Variants in RAD50 observed in about 807,000 individuals in gnomAD.
RAD50 encodes DNA repair protein RAD50.
RAD50 carries 132 observed loss-of-function variants against 168.8 expected under a neutral mutation model. The observed-to-expected ratio is 0.78, with a 90% CI of 0.68 to 0.90. The LOEUF (loss-of-function observed/expected upper bound fraction) is 0.90. Ranked by LOEUF, RAD50 falls within the 40% of genes least tolerant of loss-of-function variation. RAD50 has a pLI of 0.00. For synonymous variants in RAD50, 525 were observed against 497.4 expected (o/e 1.06, Z -0.74); for missense variants, 1,347 against 1,534.4 (o/e 0.88, Z 2.04).
intron 22 of RAD50, 100 bp from the exon 23 acceptor site, chr5:132,637,981 T>C: frequency 7.7e-7 from 1 of 1,302,940 alleles, no homozygotes; most frequent in Middle Eastern, 2.5e-4. Flanking sequence ...TCTGGTAATG[T>C]CAGCCTCATC....
chr5:132,608,814 T>G, intron 17 of RAD50, 89 bp downstream of exon 17: 1 of 1,481,414 alleles, frequency 6.8e-7, no homozygotes, highest in Non-Finnish European at 9.0e-7. Flanking sequence ...TCACATGAAA[T>G]TAAATAGCAT....
chr5:132,602,843 GC>G (rs1427906672), intron 13 of RAD50, among the ~76,000 whole-genome samples: 1 of 152,084 alleles, frequency 6.6e-6, no homozygotes, highest in Non-Finnish European at 1.5e-5. Flanking sequence ...TTAGGCTCCT[GC>G]AGTCTGTAAC....
Position 132,603,330 on chromosome 5 carries a change from A to C in RAD50, c.2238A>C (p.Glu746Asp), listed in dbSNP as rs876659641. 1 of 1,613,426 alleles carries C rather than the reference A, an allele frequency of 6.2e-7. No individual in the cohort carries two copies. Among genetic ancestry groups the C allele is most frequent in the Non-Finnish European group, 8.5e-7 (1 of 1,179,572 alleles). The part of the protein sequence containing the change: ...RQSIIDLKEK[E>D]IPELRNKLQN... ...GCATAATTGATTTGAAGGAGAAGGA[A>C]ATACCAGAATTAAGAAACAAACTGC... is the stretch of plus-strand genomic sequence containing the variant. The change falls in exon 14 of 25, where the codon GAA (glutamate) becomes GAC (aspartate). Residue 746 changes from glutamate (E) to aspartate (D), a missense_variant. Glu to Asp is a conservative substitution (Grantham distance 45, BLOSUM62 2). Coordinates refer to ENST00000378823, the MANE Select transcript of RAD50 (RefSeq NM_005732.4).
rs189834563 is a variant in RAD50 at position 132,600,872 on chromosome 5, A to G, written c.2208-2428A>G. On this transcript the variant is annotated intron_variant, in intron 13 of 24. Transcript: ENST00000378823. ...TATGTTAAATTACCTTTATTTAATC[A>G]TTGTGCATTGTGTACATATATCAGA... is the stretch of plus-strand genomic sequence containing the variant. Among the ~76,000 whole-genome samples the G allele has an allele frequency of 2.1e-4, 32 of 152,350 alleles. No homozygotes were observed. The East Asian group carries it at 6.2e-3, about 29-fold the overall frequency.
chr5:132,604,875 G>A lies in RAD50; in HGVS notation c.2594G>A (p.Ser865Asn), dbSNP rs1444790340. 2 of 1,613,584 alleles carry A rather than the reference G, an allele frequency of 1.2e-6. No individual in the cohort carries two copies. Among genetic ancestry groups the A allele is most frequent in the Non-Finnish European group, 8.5e-7 (1 of 1,179,750 alleles). ...CAGGAACAGATTCAACATCTAAAAAGTACAACAAATGAGCTAAAATCTGAG... is the reference window on the plus strand; with the variant it reads ...CAGGAACAGATTCAACATCTAAAAAATACAACAAATGAGCTAAAATCTGAG... ...DQQEQIQHLK[S>N]TTNELKSEKL... The change falls in exon 16 of 25, where the codon AGT (serine) becomes AAT (asparagine). Residue 865 changes from serine to asparagine, a missense_variant. Around this residue, in one of 3 missense-constraint regions of RAD50, gnomAD observed 635 missense variants for 739.2 expected, o/e 0.86. Coordinates refer to ENST00000378823, the MANE Select transcript of RAD50 (RefSeq NM_005732.4).
In RAD50 at chr5:132,591,919, A is replaced by G. The variant is rs1400827082; in HGVS notation, c.1678A>G (p.Ser560Gly). The change falls in exon 11 of 25, where the codon AGT becomes GGT. Residue 560 changes from serine (S) to glycine (G), a missense_variant. Ser to Gly is a moderately conservative substitution (Grantham distance 56). This residue lies in a region of RAD50 where 703 missense variants were observed against 767.7 expected (regional missense o/e 0.92). Coordinates refer to ENST00000378823, the MANE Select transcript of RAD50 (RefSeq NM_005732.4). ...AATCAGAAAAATAAAATCTAGGCAC[A>G]GTGATGAATTAACCTCACTGTTGGG... ...EQIRKIKSRH[S>G]DELTSLLGYF... 1 of 1,609,384 alleles carries G rather than the reference A, an allele frequency of 6.2e-7. No homozygotes were observed. The highest frequency in any genetic ancestry group is 2.2e-5 in the East Asian group (1 of 44,734).
chr5:132,614,867 G>A (rs1481715850), intron 19 of RAD50, among the ~76,000 whole-genome samples: 3 of 151,964 alleles, frequency 2.0e-5, no homozygotes, highest in Non-Finnish European at 4.4e-5. Context: ...CGCATAGAGG[G>A]GCAGGATTGG....
At chr5:132,583,016 G>T (rs969115249) in intron 5 of RAD50, among the ~76,000 whole-genome samples, 4 of 152,302 alleles carry the variant, frequency 2.6e-5, no homozygotes, top group African/African-American at 9.6e-5. Flanking sequence ...GCTACCAAGA[G>T]GCAGTGAAAA....
chr5:132,567,173 T>G (rs1750223797), intron 2 of RAD50, among the ~76,000 whole-genome samples: 1 of 151,316 alleles, frequency 6.6e-6, no homozygotes, highest in Non-Finnish European at 1.5e-5. Context: ...GCAAAGGATC[T>G]TTAATGATTT....
chr5:132,565,801 C>T (rs1750198136), intron 2 of RAD50, among the ~76,000 whole-genome samples: 2 of 152,310 alleles, frequency 1.3e-5, no homozygotes, highest in South Asian at 4.1e-4. Context: ...CGTGGACACT[C>T]TGCTTCTGAG....
At chr5:132,558,495 G>C (rs1750053796) in intron 1 of RAD50, among the ~76,000 whole-genome samples, 1 of 152,122 alleles carries the variant, frequency 6.6e-6, no homozygotes, top group African/African-American at 2.4e-5. Flanking sequence ...TGGATCACCT[G>C]AGGTCAGGAG....
chr5:132,642,593 CT>C lies in RAD50; in HGVS notation c.*230del, dbSNP rs1397008554. On this transcript the variant is annotated 3_prime_UTR_variant, in exon 25 of 25. Transcript: ENST00000378823. The stretch of plus-strand genomic sequence containing the variant: ...TGCTCTTCATCCCATTCCAGGCAGC[CT>C]CTGTCAGGCCTTCAGGGTTCAGCAG... 1 of 568,252 alleles carries C rather than the reference CT, an allele frequency of 1.8e-6. No homozygotes were observed. Among genetic ancestry groups the C allele is most frequent in the Non-Finnish European group, 3.1e-6 (1 of 322,168 alleles). 35.2% of individuals were successfully genotyped at this position (568,252 alleles called of 1,614,324 possible).
At chr5:132,570,716 A>G (rs1750287572) in intron 2 of RAD50, among the ~76,000 whole-genome samples, 1 of 152,240 alleles carries the variant, frequency 6.6e-6, no homozygotes, top group African/African-American at 2.4e-5. Context: ...AACTTTCTCC[A>G]TATCAGCAGT....
chr5:132,607,992 T>G (rs141659337), intron 16 of RAD50, among the ~76,000 whole-genome samples: 20 of 152,352 alleles, frequency 1.3e-4, no homozygotes, highest in African/African-American at 4.3e-4. Flanking sequence ...TAATGGGGAC[T>G]TCTATTTAGT....
chr5:132,640,939 C>T, intron 24 of RAD50, 134 bp downstream of exon 24: 1 of 1,419,522 alleles, frequency 7.0e-7, no homozygotes, highest in Non-Finnish European at 9.9e-7. Flanking sequence ...CTTGGGGAAG[C>T]CAGTTGGTGC....
chr5:132,563,725 G>A (rs1220171597), intron 2 of RAD50, among the ~76,000 whole-genome samples: 1 of 152,150 alleles, frequency 6.6e-6, no homozygotes, highest in Admixed American at 6.5e-5. Flanking sequence ...GCAAGGAATT[G>A]AGTACCGATA....
rs55653181 is a variant in RAD50 at position 132,589,791 on chromosome 5, G to C, written c.1406G>C (p.Gly469Ala). The change falls in exon 9 of 25, where the codon GGA becomes GCA. Residue 469 changes from glycine (G) to alanine (A), a missense_variant. By Grantham distance (60) the Gly-to-Ala change is moderately conservative (BLOSUM62 0). This residue lies in a region of RAD50 where 703 missense variants were observed against 767.7 expected (regional missense o/e 0.92). Coordinates refer to ENST00000378823, the MANE Select transcript of RAD50 (RefSeq NM_005732.4). ...AAGTATGAATTACAGCAGTTGGAAGGATCTTCAGACAGGATTCTTGAACTG... is the reference window on the plus strand; with the variant it reads ...AAGTATGAATTACAGCAGTTGGAAGCATCTTCAGACAGGATTCTTGAACTG... ...NVKYELQQLE[G>A]SSDRILELDQ... 12 of 1,613,662 alleles carry C rather than the reference G, an allele frequency of 7.4e-6. No individual in the cohort carries two copies. Among genetic ancestry groups the C allele is most frequent in the South Asian group, 1.1e-5 (1 of 91,014 alleles).
At chr5:132,620,890 A>G (rs770986804) in intron 21 of RAD50, among the ~76,000 whole-genome samples, 60 of 152,198 alleles carry the variant, frequency 3.9e-4, no homozygotes, top group Middle Eastern at 3.4e-3. Context: ...GGGAAAATAT[A>G]TTTTCTGTTA....
intron 19 of RAD50, among the ~76,000 whole-genome samples, chr5:132,609,675 G>A (rs1025302939): frequency 6.6e-6 from 1 of 152,028 alleles, no homozygotes; most frequent in Non-Finnish European, 1.5e-5. Context: ...CCAGCTACTC[G>A]GGAAGCTGAG....
Sources: gnomAD v4.1 joint callset for allele counts (sites outside exome capture counted in the v4.1 genomes callset) on GRCh38, gnomAD v4.1.1 for gene constraint, gnomAD v4.1.1 regional missense constraint, MANE v1.5 for transcripts, NCBI Gene and HGNC (gene_info 2026-07-23, HGNC 2026-07-21) for gene names.